STAB2: variants seen among roughly 807,000 people sequenced by gnomAD.
STAB2 encodes the protein stabilin 2.
A neutral mutation model predicts 338.1 loss-of-function variants in STAB2; 288 were observed. The observed-to-expected ratio is 0.85, with a 90% CI of 0.77 to 0.94. The LOEUF (loss-of-function observed/expected upper bound fraction) is 0.94, where lower values mean the gene tolerates loss of function less well. STAB2 is among the 40% of genes least tolerant of loss of function. STAB2 has a pLI of 0.00. For synonymous variants in STAB2, 1,202 were observed against 1,193.3 expected (o/e 1.01, Z -0.15); for missense variants, 3,141 against 3,210.1 (o/e 0.98, Z 0.52).
intron 27 of STAB2, among the ~76,000 whole-genome samples, chr12:103,687,549 A>G (rs968116710): frequency 6.6e-6 from 1 of 152,136 alleles, no homozygotes; most frequent in Non-Finnish European, 1.5e-5. Flanking sequence ...AGAGAGCCAT[A>G]TGGGTAAATT....
chr12:103,714,791 GTT>G (rs1247689477), intron 42 of STAB2, among the ~76,000 whole-genome samples: 1 of 150,796 alleles, frequency 6.6e-6, no homozygotes, highest in African/African-American at 2.4e-5. Flanking sequence ...TATTCCCTTT[GTT>G]CCTAAATACT....
At chr12:103,690,559 CT>C (rs1486888620) in intron 30 of STAB2, 21 bp downstream of exon 30, 1 of 1,596,182 alleles carries the variant, frequency 6.3e-7, no homozygotes, top group African/African-American at 1.3e-5. Context: ...TGGAATTTGT[CT>C]GTTTACTTGA....
chr12:103,698,744 C>G (rs959233557), intron 33 of STAB2, among the ~76,000 whole-genome samples: 1 of 152,130 alleles, frequency 6.6e-6, no homozygotes, highest in African/African-American at 2.4e-5. Context: ...TCCTCTCGTG[C>G]CCCAGAGGTG....
At chr12:103,590,546 T>C (rs1330682856) in intron 1 of STAB2, among the ~76,000 whole-genome samples, 1 of 152,214 alleles carries the variant, frequency 6.6e-6, no homozygotes, top group Non-Finnish European at 1.5e-5. Flanking sequence ...ATTTTTCACT[T>C]GAGAGTGTAT....
chr12:103,663,204 G>A (rs953423471), intron 18 of STAB2, among the ~76,000 whole-genome samples: 10 of 152,156 alleles, frequency 6.6e-5, no homozygotes, highest in Non-Finnish European at 1.0e-4. Flanking sequence ...GGGAATTTCC[G>A]CAATGATAGA....
At chr12:103,623,077 A>G (rs1170643337) in intron 5 of STAB2, among the ~76,000 whole-genome samples, 1 of 152,254 alleles carries the variant, frequency 6.6e-6, no homozygotes, top group Admixed American at 6.5e-5. Context: ...AGTAACAAGT[A>G]GTTAGTTTAT....
intron 30 of STAB2, 146 bp from the exon 31 acceptor site, chr12:103,692,666 A>G (rs1462746216): frequency 3.4e-6 from 2 of 594,968 alleles, no homozygotes; most frequent in Non-Finnish European, 3.0e-6. Context: ...CTATGGGACA[A>G]CAAGTTAAAG....
intron 1 of STAB2, among the ~76,000 whole-genome samples, chr12:103,587,829 G>A (rs571376593): frequency 2.3e-4 from 35 of 152,258 alleles, no homozygotes; most frequent in African/African-American, 7.0e-4. Flanking sequence ...AGCTGTTGGC[G>A]TCTTGTTTTT....
In STAB2 at chr12:103,669,730, A is replaced by G. The variant is rs936655557; in HGVS notation, c.2259+103A>G. On this transcript the variant is annotated intron_variant, in intron 21 of 68. Coordinates refer to ENST00000388887, the MANE Select transcript of STAB2 (RefSeq NM_017564.10). ...ATGCCAGCTACTCTTCCCAGGAAGC[A>G]AAAGAAATGACCCCTTACTAAAAGA... 6 of 1,013,892 alleles carry G rather than the reference A, an allele frequency of 5.9e-6. No homozygotes were observed. The East Asian group carries it at 1.5e-4, about 25-fold the overall frequency. 62.8% of individuals were successfully genotyped at this position (1,013,892 alleles called of 1,614,324 possible).
At position 103,673,841 on chromosome 12, in the gene STAB2, T is replaced by C. The variant is rs1053726695; in HGVS notation, c.2372-66T>C. On this transcript the variant is annotated intron_variant, in intron 22 of 68. Coordinates refer to ENST00000388887, the MANE Select transcript of STAB2 (RefSeq NM_017564.10). ...AAGAGGTGGTCCCTGTCCTCCAGGG[T>C]GCTCTGCCTCAGTGCTTGGCTTGTC... The C allele has an allele frequency of 2.4e-5, 37 of 1,532,990 alleles. No individual in the cohort carries two copies. The South Asian group carries it at 4.6e-4, about 19-fold the overall frequency. The allele number at this position is 1,532,990 out of a possible 1,614,324, so 95.0% of individuals were successfully genotyped here.
At chr12:103,660,919 T>C (rs117850632) in intron 17 of STAB2, among the ~76,000 whole-genome samples, 156 bp downstream of exon 17, 218 of 152,340 alleles carry the variant, frequency 1.4e-3, no homozygotes, top group Non-Finnish European at 2.5e-3. Context: ...AGATATGTGC[T>C]GAGCAACTAC....
chr12:103,726,885 A>G (rs1357993740), intron 46 of STAB2, among the ~76,000 whole-genome samples: 1 of 152,220 alleles, frequency 6.6e-6, no homozygotes, highest in Admixed American at 6.5e-5. Context: ...AGTTAAGTAT[A>G]TCAACTCACG....
At chr12:103,690,051 A>G in intron 29 of STAB2, 69 bp downstream of exon 29, 1 of 1,553,570 alleles carries the variant, frequency 6.4e-7, no homozygotes, top group Non-Finnish European at 8.7e-7. Context: ...TTTGAAGTTC[A>G]ATGTAGGAAA....
intron 3 of STAB2, among the ~76,000 whole-genome samples, chr12:103,615,666 A>T (rs997034136): frequency 2.0e-5 from 3 of 152,198 alleles, no homozygotes; most frequent in Non-Finnish European, 4.4e-5. Context: ...AGCCTGGGTA[A>T]TTTATAAAGG....
chr12:103,708,427 AT>A lies in STAB2; in HGVS notation c.4193-10del. The A allele has an allele frequency of 6.2e-7, 1 of 1,613,518 alleles. No homozygotes were observed. Among genetic ancestry groups the A allele is most frequent in the Non-Finnish European group, 8.5e-7 (1 of 1,179,512 alleles). On this transcript the variant is annotated splice_polypyrimidine_tract_variant and intron_variant, in intron 38 of 68. Coordinates refer to ENST00000388887, the MANE Select transcript of STAB2 (RefSeq NM_017564.10). ...GTTAGAATCTGACGATTTGCAGGTGATTTTCCCACTTAGCATGTTCTTGTGT... is the reference window on the plus strand; with the variant it reads ...GTTAGAATCTGACGATTTGCAGGTGATTTCCCACTTAGCATGTTCTTGTGT...
intron 35 of STAB2, 144 bp from the exon 36 acceptor site, chr12:103,704,414 A>G: frequency 1.5e-6 from 1 of 656,410 alleles, no homozygotes; most frequent in Non-Finnish European, 2.5e-6. Context: ...GAGGAGTTGA[A>G]GTGTTTGTCT....
chr12:103,759,229 G>C lies in STAB2; in HGVS notation c.7204G>C (p.Gly2402Arg). 6.2e-7 allele frequency: 1 copy of C among 1,614,114 alleles called. No homozygotes were observed. Residue 2402 changes from glycine to arginine, a missense_variant, in exon 65 of 69, where the codon GGA becomes CGA. Gly to Arg is a moderately radical substitution (Grantham distance 125). Transcript: ENST00000388887. ...TGGCACCACCCTGCAAACGAGGCTG[G>C]GAAGCAAGCTGCTCATCACTGCCAG... ...VNGTTLQTRL[G>R]SKLLITASQD...
At chr12:103,592,199 T>A (rs1956809755) in intron 2 of STAB2, 1 of 152,220 alleles carries the variant, frequency 6.6e-6, no homozygotes, top group African/African-American at 2.4e-5. Flanking sequence ...ACGTGATTAA[T>A]GTCTCTGCAT....
At chr12:103,702,279 A>T (rs886431816) in intron 34 of STAB2, among the ~76,000 whole-genome samples, 38 of 148,526 alleles carry the variant, frequency 2.6e-4, no homozygotes, top group South Asian at 1.5e-3. Flanking sequence ...ACCATTTTTT[A>T]AAAAATTATC....
Sources: allele counts gnomAD v4.1 joint callset (sites outside exome capture counted in the v4.1 genomes callset), GRCh38; gene constraint gnomAD v4.1.1; transcripts MANE v1.5; gene names NCBI Gene and HGNC (gene_info 2026-07-23, HGNC 2026-07-21).